Variants in VASH2 observed in about 807,000 individuals in gnomAD.
The protein encoded by VASH2 is vasohibin 2, also known as tubulinyl-Tyr carboxypeptidase 2.
VASH2 carries 28 observed loss-of-function variants against 37.2 expected under a neutral mutation model. The ratio of observed to expected loss-of-function variants is 0.75; its 90% CI spans 0.56 to 1.03. The LOEUF is 1.03. Among genes scored for constraint, VASH2 ranks in the 50% least tolerant of loss-of-function variants. VASH2 has a pLI of 0.00. For missense variants in VASH2, 419 were observed against 459.1 expected (o/e 0.91, Z 0.80); for synonymous variants, 188 against 174.7 (o/e 1.08, Z -0.60).
chr1:212,974,817 C>G (rs575417075), intron 7 of VASH2: 2 of 152,352 alleles, frequency 1.3e-5, no homozygotes, highest in East Asian at 3.9e-4. Flanking sequence ...GCACAGTGCA[C>G]AGGGGGCTTG....
At chr1:212,966,490 C>T (rs1666851290) in intron 5 of VASH2, 145 bp downstream of exon 5, 4 of 700,462 alleles carry the variant, frequency 5.7e-6, no homozygotes, top group East Asian at 2.8e-5. Context: ...TGGTTCATCT[C>T]TTTAACTTTC....
At chr1:212,969,135 G>A in intron 5 of VASH2, 2 of 985,212 alleles carry the variant, frequency 2.0e-6, no homozygotes, top group Non-Finnish European at 1.2e-6. Context: ...TCACGCTGCT[G>A]AACTCAGGGA....
chr1:212,951,488 C>CGCT lies in VASH2; in HGVS notation c.-53_-52insTGC. 8.5e-7 allele frequency: 1 copy of CGCT among 1,169,854 alleles called. No individual in the cohort carries two copies. The highest frequency in any genetic ancestry group is 1.1e-6 in the Non-Finnish European group (1 of 945,240). The allele number at this position is 1,169,854 out of a possible 1,614,324, so 72.5% of individuals were successfully genotyped here. A position where few individuals can be genotyped will look rare whatever the true frequency, so the allele number is the denominator to read the frequency against. The stretch of plus-strand genomic sequence containing the variant: ...GCGCGCACACGCCCCCCGCCGCCGC[C>CGCT]GCCGCTGCCGCCGCCGCGCGCCCCC... On this transcript the variant is annotated 5_prime_UTR_variant, in exon 2 of 8. Coordinates refer to ENST00000517399, the MANE Select transcript of VASH2 (RefSeq NM_001301056.2). This position sits in a 1 kb window ranked among gnomAD's most constrained non-coding sequence, Gnocchi z 4.4.
intron 7 of VASH2, among the ~76,000 whole-genome samples, chr1:212,978,700 G>A (rs144638643): frequency 5.3e-5 from 8 of 152,312 alleles, no homozygotes; most frequent in Non-Finnish European, 8.8e-5. Flanking sequence ...GAGTCTTTGC[G>A]GTTTTTTTTC....
chr1:212,991,278 T>G lies in VASH2; in HGVS notation c.*2694T>G, dbSNP rs945069725. ...TAAATAGAACTTTGGAAATCTTAAT[T>G]CAGAATTCTTACTATACCTGAGTCT... is the stretch of plus-strand genomic sequence containing the variant. On this transcript the variant is annotated 3_prime_UTR_variant, in exon 8 of 8. Transcript: ENST00000517399. 1 of 152,258 alleles carries G rather than the reference T, an allele frequency of 6.6e-6. No individual in the cohort carries two copies. The highest frequency in any genetic ancestry group is 1.5e-5 in the Non-Finnish European group (1 of 68,036). The allele number at this position is 152,258 out of a possible 1,614,324, so 9.4% of individuals were successfully genotyped here.
At chr1:212,972,370 T>A (rs928084963) in intron 5 of VASH2, among the ~76,000 whole-genome samples, 1 of 152,242 alleles carries the variant, frequency 6.6e-6, no homozygotes, top group African/African-American at 2.4e-5. Flanking sequence ...TTGTCTCATA[T>A]TTACTTGGTT....
chr1:212,954,107 C>G (rs532788337), intron 2 of VASH2, among the ~76,000 whole-genome samples: 1 of 152,228 alleles, frequency 6.6e-6, no homozygotes, highest in African/African-American at 2.4e-5. Context: ...GAGACAAGCT[C>G]TCACCGTGTT....
intron 5 of VASH2, chr1:212,968,632 G>A (rs1572068322): frequency 1.0e-6 from 1 of 985,544 alleles, no homozygotes; most frequent in East Asian, 1.1e-4. Flanking sequence ...CCACAAAGGA[G>A]ATGAAACATG....
At chr1:212,979,401 C>T (rs1047598200) in intron 7 of VASH2, among the ~76,000 whole-genome samples, 1 of 152,166 alleles carries the variant, frequency 6.6e-6, no homozygotes, top group African/African-American at 2.4e-5. Context: ...ATAAGGCCAT[C>T]GCGTCATTTC....
intron 5 of VASH2, chr1:212,968,403 A>C: frequency 1.0e-6 from 1 of 985,530 alleles, no homozygotes; most frequent in Non-Finnish European, 1.2e-6. Context: ...GCTCAGAATT[A>C]GACTGGGGAC....
Position 212,961,236 on chromosome 1 carries a change from A to G in VASH2, c.347A>G (p.Asn116Ser). ...TIPDWLQAIQNYMKTLQYNHT... is the reference protein window; with the variant it reads ...TIPDWLQAIQSYMKTLQYNHT... ...CCAGACTGGCTCCAGGCGATCCAGAATTACATGAAGACCCTACAGTATCCT... is the reference window on the plus strand; with the variant it reads ...CCAGACTGGCTCCAGGCGATCCAGAGTTACATGAAGACCCTACAGTATCCT... Residue 116 changes from asparagine (N) to serine (S), a missense_variant, in exon 3 of 8, where the codon AAT (asparagine) becomes AGT (serine). Around this residue, in one of 3 missense-constraint regions of VASH2, gnomAD observed 84 missense variants for 129.9 expected, o/e 0.65. Coordinates refer to ENST00000517399, the MANE Select transcript of VASH2 (RefSeq NM_001301056.2). 1 of 1,614,214 alleles carries G rather than the reference A, an allele frequency of 6.2e-7. No homozygotes were observed. Among genetic ancestry groups the G allele is most frequent in the Non-Finnish European group, 8.5e-7 (1 of 1,180,024 alleles).
rs201288330 is a variant in VASH2, at chr1:212,953,232, G to GA, written c.276+1414_276+1415insA. 5.8e-3 allele frequency among the ~76,000 whole-genome samples: 724 copies of GA among 125,418 alleles called. 5 individuals carry two copies. The highest frequency in any genetic ancestry group is 0.017 in the African/African-American group (691 of 39,992). The allele number at this position is 125,418 out of a possible 152,430, so 82.3% of individuals were successfully genotyped here. A position where few individuals can be genotyped will look rare whatever the true frequency, so the allele number is the denominator to read the frequency against. ...CTCCAACCATGTATGCGGGTGCGCG[G>GA]GGGGGGGTGCATTCTCTATGTGGGA... On this transcript the variant is annotated intron_variant, in intron 2 of 7. Coordinates refer to ENST00000517399, the MANE Select transcript of VASH2 (RefSeq NM_001301056.2).
chr1:212,965,648 T>G, intron 3 of VASH2, 74 bp from the exon 4 acceptor site: 1 of 1,345,554 alleles, frequency 7.4e-7, no homozygotes, highest in Non-Finnish European at 1.0e-6. Context: ...GAAATCAGAA[T>G]GCATAGCTTT....
intron 2 of VASH2, among the ~76,000 whole-genome samples, chr1:212,956,812 T>C (rs1444122801): frequency 6.6e-6 from 1 of 152,212 alleles, no homozygotes; most frequent in Non-Finnish European, 1.5e-5. Flanking sequence ...ATTATTTGCT[T>C]TTCTTCTTTT....
intron 7 of VASH2, among the ~76,000 whole-genome samples, chr1:212,981,234 C>T (rs1014125694): frequency 1.3e-5 from 2 of 152,208 alleles, no homozygotes; most frequent in African/African-American, 2.4e-5. Flanking sequence ...TCTTCTGGGC[C>T]GAATCCGTCT....
At chr1:212,978,728 G>C (rs1158103306) in intron 7 of VASH2, among the ~76,000 whole-genome samples, 1 of 152,178 alleles carries the variant, frequency 6.6e-6, no homozygotes, top group Non-Finnish European at 1.5e-5. Context: ...CTAGGGCCGA[G>C]TGGCCTTGGA....
In VASH2 at chr1:212,957,740, A is replaced by G. The variant is rs556247719; in HGVS notation, c.277-3426A>G. Among the ~76,000 whole-genome samples the G allele has an allele frequency of 4.0e-5, 6 of 151,374 alleles. No homozygotes were observed. The East Asian group carries it at 1.2e-3, about 29-fold the overall frequency. ...ATTCTCCTGCCTCAGCCTGCCAAGT[A>G]GCTGGGTTTACAGGCGCCTACCACC... On this transcript the variant is annotated intron_variant, in intron 2 of 7. Coordinates refer to ENST00000517399, the MANE Select transcript of VASH2 (RefSeq NM_001301056.2).
At position 212,973,242 on chromosome 1, in the gene VASH2, G is replaced by A. The variant is rs761114267; in HGVS notation, c.879+281G>A. 7.4e-4 allele frequency among the ~76,000 whole-genome samples: 113 copies of A among 152,174 alleles called. No homozygotes were observed. The highest frequency in any genetic ancestry group is 2.6e-4 in the Admixed American group (4 of 15,278). ...TTTGTTCTGTTTTGTCGATGTAATA[G>A]GGTGACCAGTTGTACTAGTTTGCCT... On this transcript the variant is annotated intron_variant, in intron 6 of 7. Transcript: ENST00000517399.
chr1:212,958,692 T>C (rs12131783), intron 2 of VASH2, among the ~76,000 whole-genome samples: 15 of 152,114 alleles, frequency 9.9e-5, no homozygotes, highest in Non-Finnish European at 1.9e-4. Context: ...AGGTTCAGAC[T>C]GTGCTTTTCT....
Sources: allele counts gnomAD v4.1 joint callset (sites outside exome capture counted in the v4.1 genomes callset), GRCh38; gene constraint gnomAD v4.1.1; regional missense constraint gnomAD v4.1.1; non-coding constraint Gnocchi (gnomAD v3.1); transcripts MANE v1.5; gene names NCBI Gene and HGNC (gene_info 2026-07-23, HGNC 2026-07-21).